Variants in TUT4 observed in about 807,000 individuals in gnomAD.
The protein encoded by TUT4 is terminal uridylyltransferase 4.
In TUT4, 36 loss-of-function variants were observed where a neutral mutation model predicts 192.2. That is an observed-to-expected ratio of 0.19 (90% CI 0.14 to 0.25). The LOEUF (loss-of-function observed/expected upper bound fraction) is 0.25. Ranked by LOEUF, TUT4 falls within the 10% of genes least tolerant of loss-of-function variation. The pLI, the probability that TUT4 is intolerant of heterozygous loss-of-function variation, is 1.00. For missense variants in TUT4, 1,493 were observed against 1,957.2 expected, an observed-to-expected ratio of 0.76 and a Z score of 4.47; for synonymous variants, 618 against 666.0, an observed-to-expected ratio of 0.93 and a Z score of 1.11.
In TUT4 at chr1:52,519,531, C is replaced by T. The variant is rs139742158; in HGVS notation, c.719-3477G>A. ...AAATATTCTTTTTTTTTTTTTGAGA[C>T]GGAGTTTCGCTCTTGTTGCCCAGAC... On this transcript the variant is annotated intron_variant, in intron 2 of 29. Coordinates refer to ENST00000257177, the MANE Select transcript of TUT4 (RefSeq NM_001009881.3). 8.8e-3 allele frequency among the ~76,000 whole-genome samples: 1,314 copies of T among 149,054 alleles called. 20 individuals carry two copies. The highest frequency in any genetic ancestry group is 0.031 in the African/African-American group (1,244 of 40,452).
chr1:52,431,940 AGT>A (rs1187939522), intron 27 of TUT4: 1 of 153,724 alleles, frequency 6.5e-6, no homozygotes, highest in Non-Finnish European at 1.4e-5. Flanking sequence ...AAGAATGTAC[AGT>A]GTACAGCTGT....
At position 52,423,727 on chromosome 1, in the gene TUT4, A is replaced by C; in HGVS notation, c.*208T>G. On this transcript the variant is annotated 3_prime_UTR_variant, in exon 30 of 30. Coordinates refer to ENST00000257177, the MANE Select transcript of TUT4 (RefSeq NM_001009881.3). ...CTATAGTTCATATTTATATACAAAT[A>C]ATACAGTCTGTAAAAACAGTCTTAG... 8.3e-7 allele frequency: 1 copy of C among 1,210,780 alleles called. No homozygotes were observed. Among genetic ancestry groups the C allele is most frequent in the Non-Finnish European group, 1.1e-6 (1 of 874,760 alleles). The allele number at this position is 1,210,780 out of a possible 1,614,324, so 75.0% of individuals were successfully genotyped here.
intron 7 of TUT4, among the ~76,000 whole-genome samples, chr1:52,491,166 C>G (rs1325721695): frequency 6.6e-6 from 1 of 152,188 alleles, no homozygotes; most frequent in Non-Finnish European, 1.5e-5. Context: ...GCTAGTTCCA[C>G]AGGAGCCATG....
intron 3 of TUT4, 25 bp from the exon 4 acceptor site, chr1:52,509,737 C>A (rs759080089): frequency 7.5e-7 from 1 of 1,339,376 alleles, no homozygotes; most frequent in Non-Finnish European, 1.1e-6. Flanking sequence ...TTTAAAAATG[C>A]ACTTTATTCA....
At chr1:52,499,073 T>G (rs958833159) in intron 4 of TUT4, among the ~76,000 whole-genome samples, 1 of 150,868 alleles carries the variant, frequency 6.6e-6, no homozygotes, top group Non-Finnish European at 1.5e-5. Context: ...TCACACTTAC[T>G]GGCTGCAAAA....
intron 15 of TUT4, among the ~76,000 whole-genome samples, chr1:52,467,004 G>C (rs1664410378): frequency 6.6e-6 from 1 of 152,006 alleles, no homozygotes; most frequent in Non-Finnish European, 1.5e-5. Flanking sequence ...AATTAGCTAA[G>C]CATGGTGGCA....
rs1663758529 is a variant in TUT4 at position 52,465,195 on chromosome 1, C to G, written c.2966-22G>C. The G allele has an allele frequency of 1.9e-6, 3 of 1,588,412 alleles. No homozygotes were observed. In the East Asian group the frequency reaches 6.7e-5, roughly 36 times the overall value. On this transcript the variant is annotated intron_variant, in intron 15 of 29. Coordinates refer to ENST00000257177, the MANE Select transcript of TUT4 (RefSeq NM_001009881.3). ...TTTTCTAAGCAAAGGAAAACAAAGTCCAAGGCCTTATTATAAGCAGAGAGG... is the reference window on the plus strand; with the variant it reads ...TTTTCTAAGCAAAGGAAAACAAAGTGCAAGGCCTTATTATAAGCAGAGAGG...
At chr1:52,484,829 T>G (rs1168317195) in intron 9 of TUT4, among the ~76,000 whole-genome samples, 1 of 152,236 alleles carries the variant, frequency 6.6e-6, no homozygotes, top group Non-Finnish European at 1.5e-5. Context: ...TTGGACTAAC[T>G]GTGCCTTGGA....
chr1:52,427,970 A>G (rs1023418551), intron 28 of TUT4, among the ~76,000 whole-genome samples: 1 of 152,192 alleles, frequency 6.6e-6, no homozygotes, highest in South Asian at 2.1e-4. Flanking sequence ...TCTAAATCCC[A>G]GTTTACAGGA....
intron 3 of TUT4, among the ~76,000 whole-genome samples, chr1:52,509,998 C>A (rs549537693): frequency 6.6e-6 from 1 of 152,178 alleles, no homozygotes; most frequent in African/African-American, 2.4e-5. Flanking sequence ...CACCTACTAT[C>A]ATCTTTAGAA....
intron 15 of TUT4, among the ~76,000 whole-genome samples, chr1:52,466,682 A>ATTTT (rs1553174161): frequency 0.045 from 5,533 of 123,314 alleles, 453 homozygotes; most frequent in African/African-American, 0.16. Context: ...ATATATATAT[A>ATTTT]TTTTTGAGAC....
At chr1:52,444,697 A>T (rs981963701) in intron 24 of TUT4, among the ~76,000 whole-genome samples, 13 of 149,962 alleles carry the variant, frequency 8.7e-5, no homozygotes, top group African/African-American at 3.2e-4. Flanking sequence ...GCAAGCAGAA[A>T]AATGTGAAAA....
At chr1:52,473,746 T>A (rs925541708) in intron 13 of TUT4, among the ~76,000 whole-genome samples, 1 of 152,158 alleles carries the variant, frequency 6.6e-6, no homozygotes, top group African/African-American at 2.4e-5. Flanking sequence ...ATCTGTATAA[T>A]CATTTTTTCA....
chr1:52,542,654 G>T (rs974718016), intron 1 of TUT4, among the ~76,000 whole-genome samples: 26 of 152,040 alleles, frequency 1.7e-4, no homozygotes, highest in African/African-American at 5.6e-4. Flanking sequence ...GCTATCTAAG[G>T]AAAACCTACA....
chr1:52,471,104 C>T (rs1198048030), intron 14 of TUT4, among the ~76,000 whole-genome samples: 2 of 150,348 alleles, frequency 1.3e-5, no homozygotes, highest in Non-Finnish European at 1.5e-5. Context: ...ACAACCTCCA[C>T]CTCCCAGGTC....
At chr1:52,552,171 T>A (rs1437168989) in intron 1 of TUT4, among the ~76,000 whole-genome samples, 1 of 152,258 alleles carries the variant, frequency 6.6e-6, no homozygotes, top group African/African-American at 2.4e-5. Context: ...TTCATCCCAT[T>A]CAAGTACGAC....
chr1:52,513,544 C>T (rs1239307595), intron 3 of TUT4, among the ~76,000 whole-genome samples: 1 of 151,286 alleles, frequency 6.6e-6, no homozygotes, highest in African/African-American at 2.4e-5. Flanking sequence ...CAAATATCTA[C>T]GCTGGTACTG....
At chr1:52,456,021 C>G (rs1445904626) in intron 20 of TUT4, among the ~76,000 whole-genome samples, 1 of 152,076 alleles carries the variant, frequency 6.6e-6, no homozygotes, top group Admixed American at 6.6e-5. Context: ...TTCTTAATAG[C>G]CAAAACTTGG....
chr1:52,461,263 G>A lies in TUT4; in HGVS notation c.3232-40C>T, dbSNP rs377447447. 2.3e-4 allele frequency: 348 copies of A among 1,542,042 alleles called. 4 individuals are homozygous for A. The South Asian group carries it at 3.0e-3, about 13-fold the overall frequency. On this transcript the variant is annotated intron_variant, in intron 18 of 29. Coordinates refer to ENST00000257177, the MANE Select transcript of TUT4 (RefSeq NM_001009881.3). Reference sequence around the variant, plus strand: ...CATATTTGAAAGGATTTCAAATTTCGTAAAATTAAACTACAAATCAGATTT... The same window carrying A: ...CATATTTGAAAGGATTTCAAATTTCATAAAATTAAACTACAAATCAGATTT...
Sources: allele counts gnomAD v4.1 joint callset (sites outside exome capture counted in the v4.1 genomes callset), GRCh38; gene constraint gnomAD v4.1.1; transcripts MANE v1.5; gene names NCBI Gene and HGNC (gene_info 2026-07-23, HGNC 2026-07-21).